Variants in CTNND2 observed in about 807,000 individuals in gnomAD.
The protein encoded by CTNND2 is catenin delta 2.
CTNND2 carries 22 observed loss-of-function variants against 144.4 expected under a neutral mutation model. The observed-to-expected ratio is 0.15, with a 90% confidence interval of 0.11 to 0.22. The LOEUF is 0.22. CTNND2 is among the 10% of genes least tolerant of loss of function. The pLI is 1.00. For synonymous variants in CTNND2, 751 were observed against 695.6 expected (o/e 1.08, Z -1.25); for missense variants, 1,353 against 1,618.8 (o/e 0.84, Z 2.82).
At chr5:11,184,379 T>C (rs1003511762) in intron 11 of CTNND2, among the ~76,000 whole-genome samples, 1 of 152,196 alleles carries the variant, frequency 6.6e-6, no homozygotes, top group Non-Finnish European at 1.5e-5. Flanking sequence ...GAAAATAAAT[T>C]TGTGAACAGA....
chr5:11,639,869 G>A (rs915046459), intron 2 of CTNND2, among the ~76,000 whole-genome samples: 4 of 152,194 alleles, frequency 2.6e-5, no homozygotes, highest in African/African-American at 4.8e-5. Flanking sequence ...TATGATGCAT[G>A]TTGCTTCAAT....
At chr5:11,762,146 C>T (rs1789302084) in intron 1 of CTNND2, among the ~76,000 whole-genome samples, 1 of 151,904 alleles carries the variant, frequency 6.6e-6, no homozygotes, top group Admixed American at 6.6e-5. Flanking sequence ...TTCTAGAGTC[C>T]CCTACAAAAA....
At chr5:10,987,178 C>T (rs1364917243) in intron 20 of CTNND2, among the ~76,000 whole-genome samples, 1 of 152,356 alleles carries the variant, frequency 6.6e-6, no homozygotes, top group African/African-American at 2.4e-5. Context: ...TAAGGTATAA[C>T]TCCCTCTACA....
At chr5:11,470,320 G>C (rs1274293197) in intron 3 of CTNND2, among the ~76,000 whole-genome samples, 1 of 152,076 alleles carries the variant, frequency 6.6e-6, no homozygotes, top group African/African-American at 2.4e-5. Flanking sequence ...TGTAATCCCA[G>C]CTACTCGGGA....
At chr5:10,990,850 G>T (rs1738595697) in intron 19 of CTNND2, among the ~76,000 whole-genome samples, 1 of 152,216 alleles carries the variant, frequency 6.6e-6, no homozygotes, top group Admixed American at 6.5e-5. Context: ...AGCCCTGCCT[G>T]CTCGCGAGAA....
At chr5:11,534,213 G>GT (rs1205457708) in intron 3 of CTNND2, among the ~76,000 whole-genome samples, 1 of 152,174 alleles carries the variant, frequency 6.6e-6, no homozygotes, top group Non-Finnish European at 1.5e-5. Context: ...TTTGTTGTAA[G>GT]TAACTGCTGA....
intron 2 of CTNND2, among the ~76,000 whole-genome samples, chr5:11,709,029 TATG>T (rs1306714691): frequency 6.6e-6 from 1 of 152,216 alleles, no homozygotes; most frequent in Admixed American, 6.5e-5. Flanking sequence ...GGGAAGCTAC[TATG>T]ATAACAAAGT....
At chr5:11,711,072 T>G (rs1264157378) in intron 2 of CTNND2, among the ~76,000 whole-genome samples, 2 of 152,092 alleles carry the variant, frequency 1.3e-5, no homozygotes, top group Non-Finnish European at 2.9e-5. Context: ...TTAATTTTTT[T>G]TTTTTCTTTT....
chr5:11,839,607 C>T (rs140624623), intron 1 of CTNND2, among the ~76,000 whole-genome samples: 2 of 152,260 alleles, frequency 1.3e-5, no homozygotes, highest in East Asian at 3.9e-4. Context: ...AAGACACAAA[C>T]AGCTGGGAGC....
rs544467973 is a variant in CTNND2, at chr5:11,161,124, TC to T, written c.1976-1366del. On this transcript the variant is annotated intron_variant, in intron 11 of 21. Coordinates refer to ENST00000304623, the MANE Select transcript of CTNND2 (RefSeq NM_001332.4). Reference sequence around the variant, plus strand: ...ACCTGAAGGCAAATCTAGCTTCTCTTCTTTTATGAATAAAGTTTTATTGAAG... The same window carrying T: ...ACCTGAAGGCAAATCTAGCTTCTCTTTTTTATGAATAAAGTTTTATTGAAG... Among the ~76,000 whole-genome samples, 1,476 of 152,318 alleles carry T rather than the reference TC, an allele frequency of 9.7e-3. 21 individuals carry two copies. Among genetic ancestry groups the T allele is most frequent in the African/African-American group, 0.033 (1,371 of 41,574 alleles).
At chr5:11,016,576 A>G (rs1213396050) in intron 18 of CTNND2, among the ~76,000 whole-genome samples, 1 of 152,138 alleles carries the variant, frequency 6.6e-6, no homozygotes, top group African/African-American at 2.4e-5. Flanking sequence ...GGGGCTATAG[A>G]TGGGGATGGA....
chr5:11,129,854 T>C (rs1755385623), intron 12 of CTNND2, among the ~76,000 whole-genome samples: 1 of 152,134 alleles, frequency 6.6e-6, no homozygotes, highest in Admixed American at 6.6e-5. Flanking sequence ...TACCAGGCAG[T>C]ATTACCCGCA....
At chr5:11,185,585 G>A (rs1735541188) in intron 11 of CTNND2, among the ~76,000 whole-genome samples, 1 of 152,184 alleles carries the variant, frequency 6.6e-6, no homozygotes, top group African/African-American at 2.4e-5. Context: ...CTGCCATGAT[G>A]GCAACGACAA....
At chr5:11,010,520 T>A (rs1740961819) in intron 18 of CTNND2, among the ~76,000 whole-genome samples, 2 of 152,214 alleles carry the variant, frequency 1.3e-5, no homozygotes, top group Non-Finnish European at 2.9e-5. Context: ...TGGAGTAATG[T>A]TAAACATGAG....
At position 11,117,351 on chromosome 5, in the gene CTNND2, C is replaced by T. The variant is rs867550589; in HGVS notation, c.2277+99G>A. 9.0e-6 allele frequency: 8 copies of T among 886,930 alleles called. No individual in the cohort carries two copies. The African/African-American group carries it at 1.3e-4, about 15-fold the overall frequency. The allele number at this position is 886,930 out of a possible 1,614,324, so 54.9% of individuals were successfully genotyped here. ...CCAGGAGAGAGTTCAGAAGGAAAGT[C>T]TGAAATACTGCATTGGCTCTCCAGG... On this transcript the variant is annotated intron_variant, in intron 13 of 21. Transcript: ENST00000304623.
intron 3 of CTNND2, among the ~76,000 whole-genome samples, chr5:11,536,510 TGTG>T (rs1774229570): frequency 6.6e-6 from 1 of 151,932 alleles, no homozygotes; most frequent in Non-Finnish European, 1.5e-5. Context: ...ATAAAGAAAA[TGTG>T]GTATATATTT....
chr5:11,846,367 A>G (rs1304510971), intron 1 of CTNND2, among the ~76,000 whole-genome samples: 3 of 152,116 alleles, frequency 2.0e-5, no homozygotes, highest in Non-Finnish European at 4.4e-5. Flanking sequence ...TTAAGCATCA[A>G]TTAGAAGTAA....
chr5:11,757,190 C>T (rs544434910), intron 1 of CTNND2, among the ~76,000 whole-genome samples: 5 of 150,098 alleles, frequency 3.3e-5, no homozygotes, highest in African/African-American at 7.3e-5. Flanking sequence ...CACACATATA[C>T]ACACACACAC....
At chr5:11,079,180 C>T (rs1228714761) in intron 16 of CTNND2, among the ~76,000 whole-genome samples, 1 of 152,212 alleles carries the variant, frequency 6.6e-6, no homozygotes, top group Non-Finnish European at 1.5e-5. Context: ...TTTGGAGTCA[C>T]ACTTGGTCTT....
Sources: gnomAD v4.1 joint callset for allele counts (sites outside exome capture counted in the v4.1 genomes callset) on GRCh38, gnomAD v4.1.1 for gene constraint, MANE v1.5 for transcripts, NCBI Gene and HGNC (gene_info 2026-07-23, HGNC 2026-07-21) for gene names.